C8B: variants seen among roughly 807,000 people sequenced by gnomAD.
The protein encoded by C8B is complement component C8 beta chain.
In C8B, 67 loss-of-function variants were observed where a neutral mutation model predicts 64.6. The ratio of observed to expected loss-of-function variants is 1.04; its 90% CI spans 0.85 to 1.27. The LOEUF (loss-of-function observed/expected upper bound fraction) is 1.27, where lower values mean the gene tolerates loss of function less well. Ranked by LOEUF, C8B falls within the 50% of genes most tolerant of loss-of-function variation. The probability of loss-of-function intolerance (pLI) is 0.00; values close to 1 mark genes in which losing one functional copy is unlikely to be tolerated. For missense variants in C8B, 790 were observed against 725.2 expected (o/e 1.09, Z -1.03); for synonymous variants, 284 against 257.7 (o/e 1.10, Z -0.98).
intron 4 of C8B, among the ~76,000 whole-genome samples, chr1:56,953,767 C>T (rs1645059977): frequency 6.6e-6 from 1 of 152,178 alleles, no homozygotes; most frequent in African/African-American, 2.4e-5. Context: ...CAGTTCCCTC[C>T]TACAGGGTCC....
At chr1:56,954,384 T>G (rs1645069768) in intron 4 of C8B, among the ~76,000 whole-genome samples, 1 of 152,144 alleles carries the variant, frequency 6.6e-6, no homozygotes, top group Admixed American at 6.5e-5. Context: ...GGTGTTAAAA[T>G]AAAGGCTCCC....
At chr1:56,934,437 T>C (rs957288563) in intron 9 of C8B, among the ~76,000 whole-genome samples, 1 of 152,152 alleles carries the variant, frequency 6.6e-6, no homozygotes, top group African/African-American at 2.4e-5. Flanking sequence ...GCATTATTTG[T>C]GGGTTAGAAA....
intron 6 of C8B, among the ~76,000 whole-genome samples, chr1:56,947,442 C>T (rs1644958026): frequency 6.6e-6 from 1 of 152,202 alleles, no homozygotes; most frequent in African/African-American, 2.4e-5. Flanking sequence ...TTCCTTCTCC[C>T]TGAAATGTTA....
At chr1:56,932,173 C>A (rs1225837604) in intron 10 of C8B, among the ~76,000 whole-genome samples, 1 of 152,222 alleles carries the variant, frequency 6.6e-6, no homozygotes, top group Non-Finnish European at 1.5e-5. Flanking sequence ...GCTACATTAG[C>A]AGTCACTGAG....
intron 6 of C8B, 59 bp downstream of exon 6, chr1:56,949,496 A>G (rs539779449): frequency 1.4e-6 from 2 of 1,412,064 alleles, no homozygotes; most frequent in Non-Finnish European, 2.0e-6. Context: ...GTTTTGTTAC[A>G]GCAGCAGAAA....
intron 9 of C8B, among the ~76,000 whole-genome samples, chr1:56,934,405 G>A (rs80224389): frequency 0.052 from 7,924 of 152,152 alleles, 383 homozygotes; most frequent in African/African-American, 0.12. Context: ...TGTTTGAGAC[G>A]GAGAAGTCAC....
At chr1:56,958,573 A>C (rs1396393395) in intron 2 of C8B, among the ~76,000 whole-genome samples, 1 of 151,872 alleles carries the variant, frequency 6.6e-6, no homozygotes, top group Non-Finnish European at 1.5e-5. Flanking sequence ...CAGGAAATAT[A>C]TCACCCAATC....
chr1:56,957,939 G>C (rs770271019), intron 2 of C8B, among the ~76,000 whole-genome samples: 8 of 152,184 alleles, frequency 5.3e-5, no homozygotes, highest in Non-Finnish European at 1.2e-4. Flanking sequence ...GAGTAGGAAT[G>C]TCTGACAGGT....
At chr1:56,964,986 C>A (rs971870587) in intron 1 of C8B, among the ~76,000 whole-genome samples, 2 of 152,188 alleles carry the variant, frequency 1.3e-5, no homozygotes, top group African/African-American at 4.8e-5. Context: ...TGAACGAATG[C>A]TCATCATCCT....
intron 3 of C8B, among the ~76,000 whole-genome samples, chr1:56,955,494 G>A (rs922184641): frequency 2.6e-5 from 4 of 152,028 alleles, no homozygotes; most frequent in South Asian, 2.1e-4. Context: ...TTAGTATATC[G>A]TTGGGAGATA....
intron 11 of C8B, 163 bp downstream of exon 11, chr1:56,931,647 A>G: frequency 1.6e-6 from 1 of 639,282 alleles, no homozygotes; most frequent in South Asian, 1.6e-5. Flanking sequence ...TCAATCCATC[A>G]GTTATTAAAT....
At chr1:56,938,891 GA>G (rs3216676) in intron 9 of C8B, among the ~76,000 whole-genome samples, 6 of 150,078 alleles carry the variant, frequency 4.0e-5, no homozygotes, top group South Asian at 2.1e-4. Flanking sequence ...CCTCTTGCCA[GA>G]AAAAAAAAAT....
chr1:56,961,324 T>G (rs1570408118), intron 1 of C8B, among the ~76,000 whole-genome samples: 1 of 152,188 alleles, frequency 6.6e-6, no homozygotes, highest in Non-Finnish European at 1.5e-5. Flanking sequence ...ATGACAGACA[T>G]GTCAAGGCTG....
chr1:56,963,803 T>C lies in C8B; in HGVS notation c.92+2054A>G, dbSNP rs958952565. ...TAGCTGTGAGGATTATAGCTAATGTTTCCAAGTTGCTGGCACAGAGTGGCA... is the reference window on the plus strand; with the variant it reads ...TAGCTGTGAGGATTATAGCTAATGTCTCCAAGTTGCTGGCACAGAGTGGCA... On this transcript the variant is annotated intron_variant, in intron 1 of 11. Transcript: ENST00000371237. 4.3e-6 allele frequency: 4 copies of C among 920,068 alleles called. No homozygotes were observed. The African/African-American group carries it at 7.2e-5, about 16-fold the overall frequency. The allele number at this position is 920,068 out of a possible 1,614,324, so 57.0% of individuals were successfully genotyped here.
In C8B at chr1:56,959,906, C is replaced by A; in HGVS notation, c.249+114G>T. 3.4e-6 allele frequency: 4 copies of A among 1,168,686 alleles called. No homozygotes were observed. The South Asian group carries it at 5.1e-5, about 15-fold the overall frequency. The allele number at this position is 1,168,686 out of a possible 1,614,324, so 72.4% of individuals were successfully genotyped here. On this transcript the variant is annotated intron_variant, in intron 2 of 11. Coordinates refer to ENST00000371237, the MANE Select transcript of C8B (RefSeq NM_000066.4). ...GAAAGGATGCATTTATTAAGTTAGC[C>A]GACATTTATTGAGGGCCAACTATGT... is the stretch of plus-strand genomic sequence containing the variant.
rs1238681756 is a variant in C8B, at chr1:56,949,710, A to G, written c.709T>C (p.Tyr237His). Reference sequence around the variant, plus strand: ...GTGACATTGCGTTCAAAATCTGAGTATGATTCATACTCTTTTAATATGAAT... The same window carrying G: ...GTGACATTGCGTTCAAAATCTGAGTGTGATTCATACTCTTTTAATATGAAT... ...YEFILKEYES[Y>H]SDFERNVTEK... The change falls in exon 6 of 12, where the codon TAC (tyrosine) becomes CAC (histidine). Residue 237 changes from tyrosine (Y) to histidine (H), a missense_variant. Transcript: ENST00000371237. 20 of 1,613,988 alleles carry G rather than the reference A, an allele frequency of 1.2e-5. No homozygotes were observed. The highest frequency in any genetic ancestry group is 1.5e-5 in the Non-Finnish European group (18 of 1,179,942).
At chr1:56,933,204 A>G in intron 10 of C8B, 131 bp downstream of exon 10, 1 of 804,800 alleles carries the variant, frequency 1.2e-6, no homozygotes, top group Non-Finnish European at 2.2e-6. Context: ...AGGTATACTG[A>G]CAGCCAGAGT....
Position 56,948,239 on chromosome 1 carries a change from G to A in C8B, c.864+1316C>T, listed in dbSNP as rs186846670. On this transcript the variant is annotated intron_variant, in intron 6 of 11. Coordinates refer to ENST00000371237, the MANE Select transcript of C8B (RefSeq NM_000066.4). ...GAAATATTTCTTCATGTGTTTGAAG[G>A]GGAAAGCTAGGAGACAAACTATTTA... Among the ~76,000 whole-genome samples the A allele has an allele frequency of 4.4e-4, 67 of 152,248 alleles. 1 individual carries two copies. The highest frequency in any genetic ancestry group is 2.4e-4 in the Non-Finnish European group (16 of 68,024).
intron 4 of C8B, 88 bp from the exon 5 acceptor site, chr1:56,952,268 A>G: frequency 6.4e-7 from 1 of 1,562,698 alleles, no homozygotes; most frequent in South Asian, 1.1e-5. Context: ...GAAAACAAAA[A>G]CTCCTTGGCA....
Sources: gnomAD v4.1 joint callset for allele counts (sites outside exome capture counted in the v4.1 genomes callset) on GRCh38, gnomAD v4.1.1 for gene constraint, MANE v1.5 for transcripts, NCBI Gene and HGNC (gene_info 2026-07-23, HGNC 2026-07-21) for gene names.